BAG6: variants seen among roughly 807,000 people sequenced by gnomAD.
BAG6 encodes large proline-rich protein BAG6.
In BAG6, 22 loss-of-function variants were observed where a neutral mutation model predicts 121.0. The observed-to-expected ratio is 0.18, with a 90% CI of 0.13 to 0.26. BAG6 has a LOEUF of 0.26. BAG6 is among the 10% of genes least tolerant of loss of function. BAG6 has a pLI of 1.00. For missense variants in BAG6, 1,233 were observed against 1,537.7 expected (o/e 0.80, Z 3.31); for synonymous variants, 583 against 584.6 (o/e 1.00, Z 0.04).
chr6:31,639,165 G>A lies in BAG6; in HGVS notation c.3455C>T (p.Pro1152Leu). ...EDPNYSPQRF[P>L]NAQRAFADDP ...ATCAGCAAAGGCCCGCTGGGCATTGGGGAAGCGCTGGGGACTGTAGTTGGG... is the reference window on the plus strand; with the variant it reads ...ATCAGCAAAGGCCCGCTGGGCATTGAGGAAGCGCTGGGGACTGTAGTTGGG... The change falls in exon 26 of 26, where the codon CCC becomes CTC. Residue 1152 changes from proline (P) to leucine (L), a missense_variant. Pro to Leu is a moderately conservative substitution (Grantham distance 98, BLOSUM62 -3). Transcript: ENST00000676615. 1 of 1,614,018 alleles carries A rather than the reference G, an allele frequency of 6.2e-7. No individual in the cohort carries two copies. The highest frequency in any genetic ancestry group is 8.5e-7 in the Non-Finnish European group (1 of 1,179,976).
chr6:31,647,400 C>T (rs1790998820), intron 7 of BAG6, among the ~76,000 whole-genome samples, 191 bp downstream of exon 7: 1 of 152,226 alleles, frequency 6.6e-6, no homozygotes, highest in African/African-American at 2.4e-5. Context: ...GTAGGGAGAG[C>T]AGCAGTTCTT....
At chr6:31,647,471 T>C (rs1215603073) in intron 7 of BAG6, 120 bp downstream of exon 7, 1 of 1,480,160 alleles carries the variant, frequency 6.8e-7, no homozygotes, top group Non-Finnish European at 9.2e-7. Flanking sequence ...CGCCCCTCAA[T>C]GCTAACCCTT....
intron 7 of BAG6, 47 bp from the exon 8 acceptor site, chr6:31,646,570 C>A: frequency 6.2e-7 from 1 of 1,600,750 alleles, no homozygotes; most frequent in Admixed American, 1.7e-5. Context: ...TCCTCAGATT[C>A]CCACCCTCAC....
chr6:31,647,582 A>G lies in BAG6; in HGVS notation c.788+9T>C. On this transcript the variant is annotated intron_variant, in intron 7 of 25. Coordinates refer to ENST00000676615, the MANE Select transcript of BAG6 (RefSeq NM_001387994.1). ...TCCCCACCCACTAAAGATTCCCTCC[A>G]TCTCTCACTTGGGTGCATTTGTTTC... 1 of 1,609,084 alleles carries G rather than the reference A, an allele frequency of 6.2e-7. No individual in the cohort carries two copies. The highest frequency in any genetic ancestry group is 8.5e-7 in the Non-Finnish European group (1 of 1,178,500).
In BAG6 at chr6:31,639,054, G is replaced by A. The variant is rs561549199; in HGVS notation, c.*77C>T. The A allele has an allele frequency of 3.1e-5, 40 of 1,275,634 alleles. No individual in the cohort carries two copies. The highest frequency in any genetic ancestry group is 3.8e-4 in the Middle Eastern group (2 of 5,318). 79.0% of individuals were successfully genotyped at this position (1,275,634 alleles called of 1,614,324 possible). A position where few individuals can be genotyped will look rare whatever the true frequency, so the allele number is the denominator to read the frequency against. ...AGAGAGAAAGCAGCCAGAAAAATCC[G>A]ACTTTTATTTCTTAAATACTGTGAA... On this transcript the variant is annotated 3_prime_UTR_variant, in exon 26 of 26. Transcript: ENST00000676615.
In BAG6 at chr6:31,646,371, G is replaced by A. The variant is rs755087000; in HGVS notation, c.918+23C>T. 1.9e-6 allele frequency: 3 copies of A among 1,610,406 alleles called. No individual in the cohort carries two copies. In the Admixed American group the frequency reaches 5.0e-5, roughly 27 times the overall value. ...GGGAGTACTGGGGCTGAGGAGAAAG[G>A]GCAGGGCCATCAAAGGGCTCACATT... On this transcript the variant is annotated intron_variant, in intron 8 of 25. Transcript: ENST00000676615.
chr6:31,651,584 T>A, intron 2 of BAG6, 72 bp downstream of exon 2: 3 of 1,315,068 alleles, frequency 2.3e-6, no homozygotes, highest in Non-Finnish European at 3.2e-6. Context: ...AAAATCAAGC[T>A]CATCTCTCAG....
Position 31,648,331 on chromosome 6 carries a change from T to G in BAG6, c.552+346A>C, listed in dbSNP as rs143661959. On this transcript the variant is annotated intron_variant, in intron 6 of 25. Coordinates refer to ENST00000676615, the MANE Select transcript of BAG6 (RefSeq NM_001387994.1). ...ACACCCGGCCACAGCATCTGTAATA[T>G]TTGTAAATAAATTTCTAACAAAGAG... Among the ~76,000 whole-genome samples the G allele has an allele frequency of 2.0e-3, 299 of 152,242 alleles. 1 individual carries two copies. The highest frequency in any genetic ancestry group is 4.1e-3 in the Admixed American group (62 of 15,286).
chr6:31,639,721 ATGAGTCAACCACTCCAC>A, intron 24 of BAG6, 75 bp from the exon 25 acceptor site: 1 of 1,508,554 alleles, frequency 6.6e-7, no homozygotes, highest in South Asian at 1.3e-5. Context: ...CACCCTTTCC[ATGAGTCAACCACTCCAC>A]TGAGTCTCCA....
Position 31,646,265 on chromosome 6 carries a change from C to T in BAG6, c.918+129G>A, listed in dbSNP as rs1789051279. 9 of 1,378,048 alleles carry T rather than the reference C, an allele frequency of 6.5e-6. No homozygotes were observed. The Admixed American group carries it at 9.2e-5, about 14-fold the overall frequency. 85.4% of individuals were successfully genotyped at this position (1,378,048 alleles called of 1,614,324 possible). ...CCTCCCAAAGTGCTGGGATTACAGG[C>T]GTGAGCCACTGCACCTGGCCCTGTT... On this transcript the variant is annotated intron_variant, in intron 8 of 25. Coordinates refer to ENST00000676615, the MANE Select transcript of BAG6 (RefSeq NM_001387994.1).
rs1779617190 is a variant in BAG6 at position 31,639,235 on chromosome 6, A to G, written c.3394-9T>C. ...TGTATATCAGACCGGAGCTAAAGAGAAAAAGTAAGCAGGTTGGAGAAACGC... is the reference window on the plus strand; with the variant it reads ...TGTATATCAGACCGGAGCTAAAGAGGAAAAGTAAGCAGGTTGGAGAAACGC... On this transcript the variant is annotated splice_polypyrimidine_tract_variant and intron_variant, in intron 25 of 25. Coordinates refer to ENST00000676615, the MANE Select transcript of BAG6 (RefSeq NM_001387994.1). 6.2e-7 allele frequency: 1 copy of G among 1,611,252 alleles called. No individual in the cohort carries two copies. The highest frequency in any genetic ancestry group is 8.5e-7 in the Non-Finnish European group (1 of 1,178,326).
intron 25 of BAG6, 107 bp from the exon 26 acceptor site, chr6:31,639,333 C>T: frequency 2.1e-6 from 3 of 1,446,516 alleles, no homozygotes; most frequent in Middle Eastern, 2.0e-4. Context: ...CCCCCAAGCA[C>T]ACTGTCAAAT....
rs1788195523 is a variant in BAG6 at position 31,645,587 on chromosome 6, C to T, written c.936G>A (p.Glu312=). 1 of 1,613,134 alleles carries T rather than the reference C, an allele frequency of 6.2e-7. No individual in the cohort carries two copies. Among genetic ancestry groups the T allele is most frequent in the Non-Finnish European group, 8.5e-7 (1 of 1,180,030 alleles). The part of the protein sequence containing the change: ...DYNNNHEGRE[E]DQRLINLVGE... Reference sequence around the variant, plus strand: ...CTACCAAGTTGATCAACCGCTGATCCTCCTCCCGGCCCTCGTGCTGCGCAC... The same window carrying T: ...CTACCAAGTTGATCAACCGCTGATCTTCCTCCCGGCCCTCGTGCTGCGCAC... Residue 312 remains glutamate, a synonymous_variant, in exon 9 of 26, where the codon GAG becomes GAA. Transcript: ENST00000676615.
chr6:31,642,911 C>A lies in BAG6; in HGVS notation c.1961G>T (p.Gly654Val). The A allele has an allele frequency of 6.2e-7, 1 of 1,611,322 alleles. No individual in the cohort carries two copies. Among genetic ancestry groups the A allele is most frequent in the South Asian group, 1.1e-5 (1 of 90,448 alleles). ...LLGPAGPGAGGSGVASPTITV... is the reference protein window; with the variant it reads ...LLGPAGPGAGVSGVASPTITV... ...GATGGTGGGAGAAGCCACACCAGAC[C>A]CTCCAGCCCCTGGCCCTGCAGGCCC... is the stretch of plus-strand genomic sequence containing the variant. The change falls in exon 15 of 26, where the codon GGG (glycine) becomes GTG (valine). Residue 654 changes from glycine (G) to valine (V), a missense_variant. Physicochemically the swap from Gly to Val is moderately radical, Grantham distance 109. Transcript: ENST00000676615.
rs142913228 is a variant in BAG6, at chr6:31,645,148, G to C, written c.1167C>G (p.Pro389=). 5.8e-5 allele frequency: 94 copies of C among 1,612,792 alleles called. No homozygotes were observed. Among genetic ancestry groups the C allele is most frequent in the East Asian group, 4.5e-5 (2 of 44,902 alleles). ...VTMTGNGTRP[P]PTPNAEAPPP... ...GAGGTGCCTCTGCATTGGGAGTTGG[G>C]GGGGGCCGAGTCCCATTTCCTGTCA... The change falls in exon 10 of 26, where the codon CCC becomes CCG. Residue 389 remains proline, a synonymous_variant. Coordinates refer to ENST00000676615, the MANE Select transcript of BAG6 (RefSeq NM_001387994.1).
In BAG6 at chr6:31,640,335, T is replaced by C; in HGVS notation, c.3139-29A>G. ...GGGAGGAAAAGAGAAAATAGTAATG[T>C]CCTTGACTTTCAGCTGCCATGACCC... is the stretch of plus-strand genomic sequence containing the variant. On this transcript the variant is annotated intron_variant, in intron 23 of 25. Coordinates refer to ENST00000676615, the MANE Select transcript of BAG6 (RefSeq NM_001387994.1). The surrounding 1 kb of genome is among the most constrained non-coding windows in gnomAD (Gnocchi z 4.2). 4 of 1,614,172 alleles carry C rather than the reference T, an allele frequency of 2.5e-6. No homozygotes were observed. Among genetic ancestry groups the C allele is most frequent in the Non-Finnish European group, 3.4e-6 (4 of 1,180,020 alleles).
intron 15 of BAG6, 39 bp downstream of exon 15, chr6:31,642,790 G>T: frequency 6.2e-7 from 1 of 1,601,260 alleles, no homozygotes; most frequent in African/African-American, 1.3e-5. Context: ...CTGGGCCGGG[G>T]GACAGGAAGA....
At chr6:31,646,744 C>CCACCA (rs2150907960) in intron 7 of BAG6, among the ~76,000 whole-genome samples, 1 of 151,080 alleles carries the variant, frequency 6.6e-6, no homozygotes, top group African/African-American at 2.4e-5. Context: ...AAGTTGCCTG[C>CCACCA]CACCACACCC....
intron 7 of BAG6, among the ~76,000 whole-genome samples, chr6:31,646,759 A>C: frequency 7.8e-6 from 1 of 128,610 alleles, no homozygotes; most frequent in Non-Finnish European, 1.6e-5. Context: ...ACACCCGGCT[A>C]ATTTTTGTTT....
Sources: gnomAD v4.1 joint callset for allele counts (sites outside exome capture counted in the v4.1 genomes callset) on GRCh38, gnomAD v4.1.1 for gene constraint, Gnocchi (gnomAD v3.1) non-coding constraint, MANE v1.5 for transcripts, NCBI Gene and HGNC (gene_info 2026-07-23, HGNC 2026-07-21) for gene names.